Variants in CHRNA5 observed in about 807,000 individuals in gnomAD.
The protein encoded by CHRNA5 is neuronal acetylcholine receptor subunit alpha-5.
Under a neutral mutation model 41.2 loss-of-function variants are expected in CHRNA5, and 28 were observed. The ratio of observed to expected loss-of-function variants is 0.68; its 90% CI spans 0.50 to 0.93. The LOEUF (loss-of-function observed/expected upper bound fraction) is 0.93. CHRNA5 is among the 40% of genes least tolerant of loss of function. CHRNA5 has a pLI of 0.00. For synonymous variants in CHRNA5, 188 were observed against 205.8 expected (o/e 0.91, Z 0.74); for missense variants, 481 against 581.9 (o/e 0.83, Z 1.78).
At chr15:78,592,195 G>C (rs1484155285) in intron 5 of CHRNA5, among the ~76,000 whole-genome samples, 1 of 152,192 alleles carries the variant, frequency 6.6e-6, no homozygotes, top group Non-Finnish European at 1.5e-5. Context: ...GGTGGTGTGT[G>C]CCTGTAGTCC....
intron 1 of CHRNA5, among the ~76,000 whole-genome samples, chr15:78,571,590 T>C (rs1191931514): frequency 1.3e-5 from 2 of 151,438 alleles, no homozygotes; most frequent in Non-Finnish European, 2.9e-5. Context: ...TTTTTTTTTT[T>C]TTTTTTTGAA....
intron 1 of CHRNA5, among the ~76,000 whole-genome samples, chr15:78,577,649 T>TAAAAA (rs1696586949): frequency 6.6e-6 from 1 of 152,130 alleles, no homozygotes; most frequent in South Asian, 2.1e-4. Context: ...ACAGACATTT[T>TAAAAA]AGGCTGGGTG....
chr15:78,593,021 GTGTT>G (rs2053035793), intron 5 of CHRNA5, 67 bp from the exon 6 acceptor site: 3 of 1,545,932 alleles, frequency 1.9e-6, no homozygotes, highest in Non-Finnish European at 2.6e-6. Flanking sequence ...CTAACTCAGT[GTGTT>G]TGTTATATCT....
chr15:78,580,663 G>C (rs1404440748), intron 1 of CHRNA5, 148 bp from the exon 2 acceptor site: 1 of 462,080 alleles, frequency 2.2e-6, no homozygotes, highest in Non-Finnish European at 3.8e-6. Context: ...TTGAGACAGA[G>C]TCTCTCTCCA....
chr15:78,585,456 T>C (rs1240457063), intron 2 of CHRNA5, among the ~76,000 whole-genome samples: 1 of 152,200 alleles, frequency 6.6e-6, no homozygotes, highest in Non-Finnish European at 1.5e-5. Context: ...TTTACACCCC[T>C]GTCCTATCTC....
chr15:78,586,182 G>A (rs1596062561), intron 2 of CHRNA5, among the ~76,000 whole-genome samples: 1 of 152,070 alleles, frequency 6.6e-6, no homozygotes, highest in Admixed American at 6.6e-5. Flanking sequence ...TGTCCCTCAG[G>A]GATGTACAGA....
intron 5 of CHRNA5, 71 bp from the exon 6 acceptor site, chr15:78,593,021 G>A (rs2053035746): frequency 1.3e-6 from 2 of 1,545,814 alleles, no homozygotes; most frequent in African/African-American, 1.4e-5. Flanking sequence ...CTAACTCAGT[G>A]TGTTTGTTAT....
chr15:78,574,236 C>T (rs1233358443), intron 1 of CHRNA5, among the ~76,000 whole-genome samples: 3 of 151,190 alleles, frequency 2.0e-5, no homozygotes, highest in Non-Finnish European at 1.5e-5. Flanking sequence ...CAAAATTATC[C>T]GGGCGTGGTG....
chr15:78,594,522 C>CA (rs149128996), exon 6 of CHRNA5: 1 of 152,074 alleles, frequency 6.6e-6, no homozygotes, highest in Non-Finnish European at 1.5e-5. Flanking sequence ...ACTAAGAATA[C>CA]AAAAAATTAG....
intron 2 of CHRNA5, among the ~76,000 whole-genome samples, chr15:78,581,210 A>G (rs1296843386): frequency 1.3e-4 from 20 of 152,266 alleles, no homozygotes; most frequent in Admixed American, 1.3e-3. Context: ...AACAAATTCA[A>G]AGATCTAAAA....
At position 78,575,223 on chromosome 15, in the gene CHRNA5, A is replaced by G. The variant is rs138207313; in HGVS notation, c.107-5588A>G. On this transcript the variant is annotated intron_variant, in intron 1 of 5. Coordinates refer to ENST00000299565, the Ensembl canonical transcript of CHRNA5. ...CCTCAAACTTTAGGCAATGAATGAT[A>G]GTAAGAGTTAAAATTGAATTTGTAA... 7.5e-4 allele frequency among the ~76,000 whole-genome samples: 114 copies of G among 152,316 alleles called. 1 individual carries two copies. Among genetic ancestry groups the G allele is most frequent in the African/African-American group, 2.6e-3 (108 of 41,580 alleles).
intron 4 of CHRNA5, chr15:78,589,096 G>A (rs1388285240): frequency 6.6e-6 from 1 of 152,216 alleles, no homozygotes; most frequent in African/African-American, 2.4e-5. Flanking sequence ...TTCTTAAGAA[G>A]TGAACAAAGC....
At position 78,590,328 on chromosome 15, in the gene CHRNA5, A is replaced by G. The variant is rs201569673; in HGVS notation, c.937A>G (p.Ile313Val). The change falls in exon 5 of 6, where the codon ATT becomes GTT. Residue 313 changes from isoleucine (I) to valine (V), a missense_variant. Transcript: ENST00000299565. ...ATCATCTTCAAAAGTCATACCTCTA[A>G]TTGGAGAGTATCTGGTATTTACCAT... 6.2e-7 allele frequency: 1 copy of G among 1,614,110 alleles called. No individual in the cohort carries two copies.
chr15:78,572,924 G>A (rs995902258), intron 1 of CHRNA5, among the ~76,000 whole-genome samples: 1 of 152,186 alleles, frequency 6.6e-6, no homozygotes, highest in Admixed American at 6.5e-5. Flanking sequence ...GAGAGGAGGA[G>A]GGAGAATTCT....
chr15:78,582,677 G>A (rs937019933), intron 2 of CHRNA5, among the ~76,000 whole-genome samples: 7 of 151,868 alleles, frequency 4.6e-5, no homozygotes, highest in South Asian at 2.1e-4. Context: ...GGTGGCACCC[G>A]AGCTGGCTTT....
At chr15:78,570,998 C>T (rs899650919) in intron 1 of CHRNA5, among the ~76,000 whole-genome samples, 1 of 152,210 alleles carries the variant, frequency 6.6e-6, no homozygotes, top group African/African-American at 2.4e-5. Flanking sequence ...TTGAGAACCA[C>T]TTCTCTAGGT....
chr15:78,590,908 C>T, intron 5 of CHRNA5: 1 of 405,394 alleles, frequency 2.5e-6, no homozygotes, highest in South Asian at 3.2e-5. Context: ...GTGTTATATT[C>T]TAAGGAATAA....
At chr15:78,570,422 C>CTTTTTTTTTT (rs1567050748) in intron 1 of CHRNA5, among the ~76,000 whole-genome samples, 21 of 66,240 alleles carry the variant, frequency 3.2e-4, no homozygotes, top group East Asian at 1.3e-3. Flanking sequence ...CCAATCCCGG[C>CTTTTTTTTTT]TATTTTTTTT....
chr15:78,570,448 T>TTTTTTTTTTTG (rs2052793067), intron 1 of CHRNA5, among the ~76,000 whole-genome samples: 1 of 144,740 alleles, frequency 6.9e-6, no homozygotes, highest in Non-Finnish European at 1.5e-5. Context: ...TTTTTTTTTT[T>TTTTTTTTTTTG]TAGTAAAGAC....
Sources: allele counts gnomAD v4.1 joint callset (sites outside exome capture counted in the v4.1 genomes callset), GRCh38; gene constraint gnomAD v4.1.1; transcripts MANE v1.5; gene names NCBI Gene and HGNC (gene_info 2026-07-23, HGNC 2026-07-21).